Variants in EYS observed in about 807,000 individuals in gnomAD.
The protein encoded by EYS is protein eyes shut homolog.
EYS carries 250 observed loss-of-function variants against 282.1 expected under a neutral mutation model. The observed-to-expected ratio is 0.89, with a 90% CI of 0.80 to 0.98. The LOEUF (loss-of-function observed/expected upper bound fraction) is 0.98. EYS is among the 50% of genes least tolerant of loss of function. The pLI is 0.00. For synonymous variants in EYS, 1,355 were observed against 1,282.9 expected (o/e 1.06, Z -1.20); for missense variants, 4,016 against 3,709.0 (o/e 1.08, Z -2.15).
At chr6:65,536,679 G>C (rs1767974705) in intron 2 of EYS, among the ~76,000 whole-genome samples, 1 of 152,104 alleles carries the variant, frequency 6.6e-6, no homozygotes, top group South Asian at 2.1e-4. Flanking sequence ...GAAGAAAGTA[G>C]TGAAGGCCAG....
intron 14 of EYS, among the ~76,000 whole-genome samples, chr6:64,954,350 CTGTCATTGATG>C (rs1252095665): frequency 6.6e-6 from 1 of 151,826 alleles, no homozygotes; most frequent in African/African-American, 2.4e-5. Flanking sequence ...AATAACTCAT[CTGTCATTGATG>C]TGTACTGCTC....
chr6:64,676,351 T>TATATATATATATATCTATATATATAGAG (rs1554192088), intron 22 of EYS, among the ~76,000 whole-genome samples: 11 of 145,460 alleles, frequency 7.6e-5, no homozygotes, highest in South Asian at 6.4e-4. Flanking sequence ...TATATATATA[T>TATATATATATATATCTATATATATAGAG]AGAGAGAGAG....
chr6:65,374,161 A>C (rs9354234), intron 8 of EYS, among the ~76,000 whole-genome samples: 1 of 151,490 alleles, frequency 6.6e-6, no homozygotes. Context: ...GGTGATTTCT[A>C]ATTTCTGTAT....
chr6:65,697,180 AAC>A (rs1261009751), intron 1 of EYS, among the ~76,000 whole-genome samples: 4 of 152,102 alleles, frequency 2.6e-5, no homozygotes, highest in Admixed American at 2.6e-4. Context: ...TATTATAATT[AAC>A]AGTCTAATAA....
At position 64,954,174 on chromosome 6, in the gene EYS, A is replaced by G. The variant is rs888752599; in HGVS notation, c.2260-8260T>C. ...CTATTTTCAATTTATAGTTTTTATT[A>G]GTAATCTTTACTTATAATTTAGTTC... On this transcript the variant is annotated intron_variant, in intron 14 of 42. Coordinates refer to ENST00000503581, the MANE Select transcript of EYS (RefSeq NM_001142800.2). Among the ~76,000 whole-genome samples, 5 of 152,138 alleles carry G rather than the reference A, an allele frequency of 3.3e-5. No homozygotes were observed. In the South Asian group the frequency reaches 1.0e-3, roughly 32 times the overall value.
intron 2 of EYS, among the ~76,000 whole-genome samples, chr6:65,548,128 C>A (rs1162569591): frequency 6.6e-6 from 1 of 152,136 alleles, no homozygotes. Flanking sequence ...GTGGTGTTAT[C>A]TGCTACTAAC....
At chr6:65,549,481 A>G (rs549689255) in intron 2 of EYS, among the ~76,000 whole-genome samples, 1 of 152,222 alleles carries the variant, frequency 6.6e-6, no homozygotes, top group South Asian at 2.1e-4. Context: ...TCTGCTCATT[A>G]CTGCTGTGTG....
At position 63,720,769 on chromosome 6, in the gene EYS, C is replaced by T. The variant is rs1212005652; in HGVS notation, c.9262G>A (p.Gly3088Arg). 2 of 1,550,636 alleles carry T rather than the reference C, an allele frequency of 1.3e-6. No individual in the cohort carries two copies. The highest frequency in any genetic ancestry group is 2.7e-5 in the African/African-American group (2 of 72,976). Reference sequence around the variant, plus strand: ...ACCTTTCTACCATATTCAAAGCCCCCTAGATAACAAATGCCATCATAGTTT... The same window carrying T: ...ACCTTTCTACCATATTCAAAGCCCCTTAGATAACAAATGCCATCATAGTTT... ...ALNYDGICYL[G>R]GFEYGRKVNI... The change falls in exon 43 of 43, where the codon GGG (glycine) becomes AGG (arginine). Residue 3088 changes from glycine (G) to arginine (R), a missense_variant. Coordinates refer to ENST00000503581, the MANE Select transcript of EYS (RefSeq NM_001142800.2).
chr6:64,311,095 T>A (rs1456604587), intron 29 of EYS, among the ~76,000 whole-genome samples: 1 of 151,998 alleles, frequency 6.6e-6, no homozygotes, highest in Non-Finnish European at 1.5e-5. Context: ...TATTAACATT[T>A]CATTTTGTAA....
chr6:63,728,929 T>C (rs1037414201), intron 41 of EYS, among the ~76,000 whole-genome samples: 3 of 152,160 alleles, frequency 2.0e-5, no homozygotes, highest in African/African-American at 7.2e-5. Context: ...CCAAAATTGT[T>C]GTACAATTTT....
chr6:65,041,282 A>T (rs1772927750), intron 13 of EYS, among the ~76,000 whole-genome samples: 1 of 151,880 alleles, frequency 6.6e-6, no homozygotes, highest in Middle Eastern at 3.4e-3. Flanking sequence ...TTGCAGGTGA[A>T]TAATTTTCTT....
chr6:65,588,299 T>C (rs1765123400), intron 2 of EYS, among the ~76,000 whole-genome samples: 1 of 152,082 alleles, frequency 6.6e-6, no homozygotes, highest in Admixed American at 6.6e-5. Flanking sequence ...ATATTCTTAT[T>C]GTGCCAAATA....
chr6:65,038,528 A>G (rs1360632731), intron 13 of EYS, among the ~76,000 whole-genome samples: 1 of 151,482 alleles, frequency 6.6e-6, no homozygotes, highest in African/African-American at 2.4e-5. Flanking sequence ...AATCAATAAA[A>G]CTGCTATAAA....
chr6:64,679,990 T>C (rs1769840283), intron 22 of EYS, among the ~76,000 whole-genome samples: 2 of 152,256 alleles, frequency 1.3e-5, no homozygotes, highest in East Asian at 3.9e-4. Context: ...AATTTTTACA[T>C]AGGGAAAATA....
chr6:65,273,888 G>A (rs76078625), intron 12 of EYS, among the ~76,000 whole-genome samples: 3,186 of 152,148 alleles, frequency 0.021, 105 homozygotes, highest in African/African-American at 0.066. Flanking sequence ...CTCCATATTG[G>A]TCTCTCCTGT....
At chr6:65,366,747 T>C (rs1482419373) in intron 8 of EYS, among the ~76,000 whole-genome samples, 1 of 151,670 alleles carries the variant, frequency 6.6e-6, no homozygotes, top group Non-Finnish European at 1.5e-5. Flanking sequence ...GTCTTATTAA[T>C]GTAAAGTCAA....
chr6:65,086,857 C>A (rs1206385833), intron 12 of EYS, among the ~76,000 whole-genome samples: 1 of 151,308 alleles, frequency 6.6e-6, no homozygotes, highest in African/African-American at 2.4e-5. Flanking sequence ...CGGAGTCTTG[C>A]TCTGTCGCCA....
chr6:64,037,757 AT>A (rs1349381248), intron 33 of EYS, among the ~76,000 whole-genome samples: 1 of 152,132 alleles, frequency 6.6e-6, no homozygotes, highest in Non-Finnish European at 1.5e-5. Context: ...ATTATTTCTG[AT>A]TTTTCACCTC....
rs980203037 is a variant in EYS, at chr6:65,626,907, A to C, written c.-333+12871T>G. ...AATGGGCATATTATGTAAAAAAAAC[A>C]CACACACACACACACAAAAAACTGT... On this transcript the variant is annotated intron_variant, in intron 2 of 42. Coordinates refer to ENST00000503581, the MANE Select transcript of EYS (RefSeq NM_001142800.2). Among the ~76,000 whole-genome samples the C allele has an allele frequency of 1.9e-3, 129 of 66,884 alleles. 1 individual carries two copies. The highest frequency in any genetic ancestry group is 3.6e-3 in the African/African-American group (124 of 34,156). The allele number at this position is 66,884 out of a possible 152,430, so 43.9% of individuals were successfully genotyped here. A position where few individuals can be genotyped will look rare whatever the true frequency, so the allele number is the denominator to read the frequency against.
Sources: gnomAD v4.1 joint callset for allele counts (sites outside exome capture counted in the v4.1 genomes callset) on GRCh38, gnomAD v4.1.1 for gene constraint, MANE v1.5 for transcripts, NCBI Gene and HGNC (gene_info 2026-07-23, HGNC 2026-07-21) for gene names.